Variants in TACC2 observed in about 807,000 individuals in gnomAD.
The protein encoded by TACC2 is transforming acidic coiled-coil-containing protein 2.
TACC2 carries 137 observed loss-of-function variants against 227.3 expected under a neutral mutation model. The observed-to-expected ratio is 0.60, with a 90% confidence interval of 0.52 to 0.69. TACC2 has a LOEUF of 0.69. TACC2 is among the 30% of genes least tolerant of loss of function. The probability of loss-of-function intolerance (pLI) is 0.00; values close to 1 mark genes in which losing one functional copy is unlikely to be tolerated. For synonymous variants in TACC2, 1,523 were observed against 1,487.5 expected (o/e 1.02, Z -0.55); for missense variants, 3,470 against 3,694.4 (o/e 0.94, Z 1.57).
intron 1 of TACC2, among the ~76,000 whole-genome samples, chr10:122,015,717 T>C (rs1956517359): frequency 6.6e-6 from 1 of 151,084 alleles, no homozygotes. Context: ...CCAGGCATGG[T>C]GGTGCATGCC....
chr10:122,121,624 C>T (rs889420115), intron 5 of TACC2, among the ~76,000 whole-genome samples: 33 of 152,234 alleles, frequency 2.2e-4, no homozygotes, highest in South Asian at 2.1e-4. Context: ...ATGTGACAAG[C>T]GCTGCTTATA....
In TACC2 at chr10:122,002,729, A is replaced by G. The variant is rs374186798; in HGVS notation, c.-46+13241A>G. 7.2e-5 allele frequency among the ~76,000 whole-genome samples: 11 copies of G among 152,260 alleles called. No homozygotes were observed. The South Asian group carries it at 2.1e-3, about 29-fold the overall frequency. On this transcript the variant is annotated intron_variant, in intron 1 of 22. Coordinates refer to ENST00000369005, the MANE Select transcript of TACC2 (RefSeq NM_206862.4). Reference sequence around the variant, plus strand: ...TTCTGGCAATCCTCATTTCACTAGGATACTATCCATTTCATTTTTTTATTT... The same window carrying G: ...TTCTGGCAATCCTCATTTCACTAGGGTACTATCCATTTCATTTTTTTATTT...
intron 11 of TACC2, among the ~76,000 whole-genome samples, chr10:122,217,426 CTTTCTTT>C (rs1364167609): frequency 6.4e-5 from 9 of 140,416 alleles, no homozygotes; most frequent in African/African-American, 1.1e-4. Flanking sequence ...TTTTCTTTTT[CTTTCTTT>C]TTTCTTTTTT....
At chr10:122,174,392 A>G (rs1165054123) in intron 7 of TACC2, among the ~76,000 whole-genome samples, 2 of 152,154 alleles carry the variant, frequency 1.3e-5, no homozygotes, top group East Asian at 1.9e-4. Flanking sequence ...TTCTGGGCAC[A>G]TGACAGTGCC....
At chr10:122,044,450 G>A (rs1199585258) in intron 2 of TACC2, among the ~76,000 whole-genome samples, 1 of 152,194 alleles carries the variant, frequency 6.6e-6, no homozygotes, top group African/African-American at 2.4e-5. Context: ...GGTCAGCCTG[G>A]CAGTTGTTTC....
rs1250192833 is a variant in TACC2 at position 122,005,382 on chromosome 10, C to CTTT, written c.-46+15908_-46+15910dup. ...TACAGGTGTGAGCCACCACGCCCAG[C>CTTT]TTTTTTTTTTTTTTTTGAGACAGAG... is the stretch of plus-strand genomic sequence containing the variant. On this transcript the variant is annotated intron_variant, in intron 1 of 22. Coordinates refer to ENST00000369005, the MANE Select transcript of TACC2 (RefSeq NM_206862.4). Among the ~76,000 whole-genome samples, 156 of 119,188 alleles carry CTTT rather than the reference C, an allele frequency of 1.3e-3. 6 individuals carry two copies. Among genetic ancestry groups the CTTT allele is most frequent in the Non-Finnish European group, 1.7e-3 (95 of 57,250 alleles). 78.2% of individuals were successfully genotyped at this position (119,188 alleles called of 152,430 possible). A position where few individuals can be genotyped will look rare whatever the true frequency, so the allele number is the denominator to read the frequency against.
intron 2 of TACC2, among the ~76,000 whole-genome samples, chr10:122,031,913 G>A (rs1208492054): frequency 2.0e-5 from 3 of 150,774 alleles, no homozygotes; most frequent in Admixed American, 1.3e-4. Context: ...TCACTATGTT[G>A]GCCAAGCTGG....
intron 5 of TACC2, among the ~76,000 whole-genome samples, chr10:122,113,551 C>T (rs929069981): frequency 6.6e-6 from 1 of 152,130 alleles, no homozygotes; most frequent in Non-Finnish European, 1.5e-5. Context: ...GGGGTCCCCG[C>T]GCGTGGTTGT....
intron 7 of TACC2, among the ~76,000 whole-genome samples, chr10:122,172,816 A>G (rs937796668): frequency 6.6e-6 from 1 of 151,960 alleles, no homozygotes; most frequent in African/African-American, 2.4e-5. Flanking sequence ...ACAGAGGGTG[A>G]GCAAGAGCAG....
At chr10:122,060,402 G>T (rs996306375) in intron 3 of TACC2, among the ~76,000 whole-genome samples, 4 of 152,232 alleles carry the variant, frequency 2.6e-5, no homozygotes, top group African/African-American at 7.2e-5. Context: ...CTCACTCCTG[G>T]CTGCCTGCAA....
intron 5 of TACC2, among the ~76,000 whole-genome samples, chr10:122,109,332 AG>A (rs768947933): frequency 2.8e-4 from 42 of 152,148 alleles, no homozygotes; most frequent in Non-Finnish European, 5.3e-4. Flanking sequence ...ACATTCTTGC[AG>A]GAATGAGGTG....
rs746661006 is a variant in TACC2 at position 122,087,829 on chromosome 10, G to A, written c.5329G>A (p.Glu1777Lys). ...CCCAGCCAGGCCCCAGCAGGCTAAG[G>A]AGCAGCCAGGGCCTGAGCGCCCCAT... ...DSPARPQQAK[E>K]QPGPERPIPA... Residue 1777 changes from glutamate to lysine, a missense_variant, in exon 4 of 23, where the codon GAG (glutamate) becomes AAG (lysine). Glu to Lys is a moderately conservative substitution (Grantham distance 56, BLOSUM62 1). Coordinates refer to ENST00000369005, the MANE Select transcript of TACC2 (RefSeq NM_206862.4). The A allele has an allele frequency of 1.3e-6, 2 of 1,557,580 alleles. No homozygotes were observed. Among genetic ancestry groups the A allele is most frequent in the African/African-American group, 1.4e-5 (1 of 73,746 alleles).
chr10:122,161,302 CCT>C (rs2092801499), intron 7 of TACC2, among the ~76,000 whole-genome samples: 1 of 152,088 alleles, frequency 6.6e-6, no homozygotes, highest in African/African-American at 2.4e-5. Flanking sequence ...AGTAATATGC[CCT>C]GTCACTACAT....
At chr10:122,110,902 T>G (rs2137994545) in intron 5 of TACC2, among the ~76,000 whole-genome samples, 1 of 152,320 alleles carries the variant, frequency 6.6e-6, no homozygotes, top group East Asian at 1.9e-4. Context: ...TTCGGTAGTG[T>G]TGTGTTCCTT....
chr10:122,046,129 C>T (rs1184019117), intron 2 of TACC2, among the ~76,000 whole-genome samples: 3 of 150,844 alleles, frequency 2.0e-5, no homozygotes, highest in Non-Finnish European at 2.9e-5. Flanking sequence ...GAGCTGAGAT[C>T]ACGCCATTGC....
intron 6 of TACC2, among the ~76,000 whole-genome samples, chr10:122,142,967 C>T (rs954076851): frequency 2.0e-5 from 3 of 152,180 alleles, no homozygotes; most frequent in African/African-American, 7.2e-5. Context: ...CCCCGGAGGC[C>T]CCGCACGCTG....
At chr10:122,059,265 A>G (rs3862117) in intron 3 of TACC2, among the ~76,000 whole-genome samples, 239 of 151,982 alleles carry the variant, frequency 1.6e-3, no homozygotes, top group Non-Finnish European at 2.5e-3. Context: ...TGAGGAGGGA[A>G]ATTTAAGGAA....
chr10:122,244,006 A>G (rs1222480842), intron 19 of TACC2, among the ~76,000 whole-genome samples: 1 of 152,236 alleles, frequency 6.6e-6, no homozygotes, highest in African/African-American at 2.4e-5. Flanking sequence ...TGTCCTTGTC[A>G]TGACAGAAAG....
chr10:122,058,894 G>T (rs1361589071), intron 3 of TACC2, among the ~76,000 whole-genome samples: 9 of 136,782 alleles, frequency 6.6e-5, no homozygotes, highest in African/African-American at 2.1e-4. Context: ...CCCTCTGTGT[G>T]TTTTTTTTTT....
Sources: allele counts gnomAD v4.1 joint callset (sites outside exome capture counted in the v4.1 genomes callset), GRCh38; gene constraint gnomAD v4.1.1; transcripts MANE v1.5; gene names NCBI Gene and HGNC (gene_info 2026-07-23, HGNC 2026-07-21).